The following PSD3 variants were observed in gnomAD, a reference collection of about 807,000 sequenced individuals.
The protein encoded by PSD3 is PH and SEC7 domain-containing protein 3.
A neutral mutation model predicts 105.5 loss-of-function variants in PSD3; 49 were observed. The ratio of observed to expected loss-of-function variants is 0.46; its 90% confidence interval spans 0.37 to 0.59. The LOEUF (loss-of-function observed/expected upper bound fraction) is 0.59. PSD3 is among the 20% of genes least tolerant of loss of function. The pLI, the probability that PSD3 is intolerant of heterozygous loss-of-function variation, is 0.00. For synonymous variants in PSD3, 557 were observed against 457.8 expected (o/e 1.22, Z -2.77); for missense variants, 1,561 against 1,263.8 (o/e 1.24, Z -3.57).
At position 18,945,407 on chromosome 8, in the gene PSD3, G is replaced by T. The variant is rs186594232; in HGVS notation, c.22-9265C>A. ...AACACTGGCTTTGAAGATGGAGGAAGGGGCTGTGAGCCAAGGAATGCAAGA... is the reference window on the plus strand; with the variant it reads ...AACACTGGCTTTGAAGATGGAGGAATGGGCTGTGAGCCAAGGAATGCAAGA... On this transcript the variant is annotated intron_variant, in intron 1 of 15. Transcript: ENST00000327040. 1.6e-4 allele frequency among the ~76,000 whole-genome samples: 25 copies of T among 152,250 alleles called. 1 individual carries two copies. The East Asian group carries it at 4.8e-3, about 29-fold the overall frequency.
intron 1 of PSD3, among the ~76,000 whole-genome samples, chr8:19,057,028 G>A (rs1165016052): frequency 1.3e-5 from 2 of 152,132 alleles, no homozygotes; most frequent in Non-Finnish European, 2.9e-5. Context: ...CCTCTAGCTA[G>A]CTTTTGATGA....
intron 4 of PSD3, among the ~76,000 whole-genome samples, chr8:18,810,176 T>C (rs1811576613): frequency 6.6e-6 from 1 of 152,206 alleles, no homozygotes; most frequent in Non-Finnish European, 1.5e-5. Context: ...CTCTTAGTGC[T>C]ATCTTTTAAA....
intron 2 of PSD3, among the ~76,000 whole-genome samples, chr8:18,915,900 A>T (rs900956713): frequency 9.9e-5 from 15 of 152,096 alleles, no homozygotes; most frequent in Non-Finnish European, 2.2e-4. Flanking sequence ...GTTAGAGACC[A>T]GCCTGACCAA....
intron 12 of PSD3, among the ~76,000 whole-genome samples, chr8:18,599,808 G>A (rs1420171014): frequency 1.3e-5 from 2 of 152,088 alleles, no homozygotes; most frequent in Non-Finnish European, 2.9e-5. Flanking sequence ...GTATTTAAGG[G>A]GCGTCCTGGA....
At chr8:18,652,492 A>ATTTTT (rs1808570412) in intron 10 of PSD3, among the ~76,000 whole-genome samples, 1 of 79,800 alleles carries the variant, frequency 1.3e-5, no homozygotes, top group Non-Finnish European at 2.6e-5. Flanking sequence ...GAAAAAGCTT[A>ATTTTT]GTTTTTTTTT....
chr8:18,593,718 C>T (rs1462121320), intron 12 of PSD3, among the ~76,000 whole-genome samples: 8 of 152,062 alleles, frequency 5.3e-5, no homozygotes, highest in East Asian at 1.9e-4. Flanking sequence ...AGACTTGGAA[C>T]GAACCCAAAT....
intron 1 of PSD3, among the ~76,000 whole-genome samples, chr8:19,042,731 A>G (rs1483956965): frequency 6.6e-6 from 1 of 152,228 alleles, no homozygotes; most frequent in Admixed American, 6.5e-5. Context: ...AATGCTATTG[A>G]GCACAGACTT....
chr8:19,025,662 C>G (rs1017836974), intron 1 of PSD3, among the ~76,000 whole-genome samples: 1 of 152,142 alleles, frequency 6.6e-6, no homozygotes, highest in Non-Finnish European at 1.5e-5. Context: ...GGTGGCAACC[C>G]CAGACTTACT....
chr8:18,871,765 C>T lies in PSD3; in HGVS notation c.1099G>A (p.Ala367Thr), dbSNP rs1817366716. ...CTAGTGCCAGGCCTCTCTGAAGGAG[C>T]TTTCCAGGATTCATCCCAAACATTC... Reference protein sequence around the residue: ...TENVWDESWKAPSERPGTSSG... With the variant: ...TENVWDESWKTPSERPGTSSG... Residue 367 changes from alanine to threonine, a missense_variant, in exon 3 of 16, where the codon GCT becomes ACT. By Grantham distance (58) the Ala-to-Thr change is moderately conservative. Transcript: ENST00000327040. The T allele has an allele frequency of 6.2e-7, 1 of 1,614,070 alleles. No homozygotes were observed. The highest frequency in any genetic ancestry group is 1.3e-5 in the African/African-American group (1 of 74,914).
intron 10 of PSD3, among the ~76,000 whole-genome samples, chr8:18,650,724 C>T (rs928375112): frequency 1.1e-4 from 16 of 152,320 alleles, no homozygotes; most frequent in African/African-American, 3.8e-4. Flanking sequence ...AATAAATGAT[C>T]CTTGCTACTA....
intron 1 of PSD3, among the ~76,000 whole-genome samples, chr8:18,987,005 C>A (rs1825534187): frequency 6.6e-6 from 1 of 152,068 alleles, no homozygotes; most frequent in Non-Finnish European, 1.5e-5. Flanking sequence ...AAGGTCTGAT[C>A]TTTTCACAAA....
chr8:18,882,846 T>TATAC (rs1199651175), intron 2 of PSD3, among the ~76,000 whole-genome samples: 5 of 150,114 alleles, frequency 3.3e-5, no homozygotes, highest in Non-Finnish European at 7.4e-5. Flanking sequence ...TAGATATATA[T>TATAC]ACACACACAC....
chr8:18,764,447 A>AT (rs965015677), intron 9 of PSD3, among the ~76,000 whole-genome samples: 12 of 151,648 alleles, frequency 7.9e-5, no homozygotes, highest in Middle Eastern at 3.4e-3. Flanking sequence ...TTTCTTCCTG[A>AT]TTTTTTTTTC....
At chr8:18,879,051 A>AACAC (rs59598569) in intron 2 of PSD3, among the ~76,000 whole-genome samples, 29,515 of 138,426 alleles carry the variant, frequency 0.21, 2,920 homozygotes, top group Non-Finnish European at 0.23. Context: ...CACACACACA[A>AACAC]ACACACACAC....
chr8:18,874,964 G>A (rs1332040440), intron 2 of PSD3, among the ~76,000 whole-genome samples: 2 of 152,024 alleles, frequency 1.3e-5, no homozygotes, highest in African/African-American at 2.4e-5. Flanking sequence ...CATCCAGACT[G>A]GAGTGTGGGA....
chr8:18,885,245 A>G (rs1251386154), intron 2 of PSD3, among the ~76,000 whole-genome samples: 1 of 152,108 alleles, frequency 6.6e-6, no homozygotes, highest in Non-Finnish European at 1.5e-5. Flanking sequence ...ACTTTTAAAA[A>G]TCCAATTGTA....
chr8:18,838,636 C>T (rs992204648), intron 4 of PSD3, among the ~76,000 whole-genome samples: 1 of 151,728 alleles, frequency 6.6e-6, no homozygotes, highest in Non-Finnish European at 1.5e-5. Flanking sequence ...CCCATCTCTA[C>T]TAAAAATACA....
intron 4 of PSD3, among the ~76,000 whole-genome samples, chr8:18,838,802 AAATAATAAT>A (rs55792203): frequency 0.028 from 3,649 of 131,830 alleles, 86 homozygotes; most frequent in African/African-American, 0.056. Flanking sequence ...ACTCCGTCTC[AAATAATAAT>A]AATAATAATA....
At chr8:18,822,549 T>G (rs1812830311) in intron 4 of PSD3, among the ~76,000 whole-genome samples, 1 of 152,226 alleles carries the variant, frequency 6.6e-6, no homozygotes, top group African/African-American at 2.4e-5. Context: ...GACCTGGCTG[T>G]GATGTCCTGT....
Sources: gnomAD v4.1 joint callset for allele counts (sites outside exome capture counted in the v4.1 genomes callset) on GRCh38, gnomAD v4.1.1 for gene constraint, MANE v1.5 for transcripts, NCBI Gene and HGNC (gene_info 2026-07-23, HGNC 2026-07-21) for gene names.